Variants in SHB observed in about 807,000 individuals in gnomAD.
The protein encoded by SHB is SH2 domain-containing adapter protein B.
SHB carries 20 observed loss-of-function variants against 52.3 expected under a neutral mutation model. The ratio of observed to expected loss-of-function variants is 0.38; its 90% confidence interval spans 0.27 to 0.56. The LOEUF (loss-of-function observed/expected upper bound fraction) is 0.56. Ranked by LOEUF, SHB falls within the 20% of genes least tolerant of loss-of-function variation. The pLI, the probability that SHB is intolerant of heterozygous loss-of-function variation, is 0.71. For synonymous variants in SHB, 397 were observed against 316.5 expected (o/e 1.25, Z -2.70); for missense variants, 825 against 723.3 (o/e 1.14, Z -1.61).
intron 1 of SHB, among the ~76,000 whole-genome samples, chr9:38,054,834 T>TA (rs139896362): frequency 6.6e-5 from 10 of 151,104 alleles, no homozygotes; most frequent in African/African-American, 1.9e-4. Context: ...ACATTTAAAA[T>TA]AAAAAAAAAG....
chr9:38,020,958 G>T (rs972592223), intron 1 of SHB, among the ~76,000 whole-genome samples: 29 of 152,194 alleles, frequency 1.9e-4, no homozygotes, highest in Non-Finnish European at 2.9e-5. Context: ...CCGGCTACAG[G>T]AAGGGCTGGT....
chr9:37,963,189 T>C (rs1432938520), intron 3 of SHB, among the ~76,000 whole-genome samples: 1 of 152,152 alleles, frequency 6.6e-6, no homozygotes, highest in African/African-American at 2.4e-5. Flanking sequence ...TAGGGGGTCA[T>C]TCAAAGAGAA....
chr9:38,033,783 G>A (rs1821448136), intron 1 of SHB, among the ~76,000 whole-genome samples: 1 of 152,132 alleles, frequency 6.6e-6, no homozygotes, highest in Admixed American at 6.5e-5. Context: ...CCTGCTTGGT[G>A]AGTAAGGCAG....
At chr9:37,934,887 A>G (rs1227176047) in intron 5 of SHB, among the ~76,000 whole-genome samples, 5 of 152,178 alleles carry the variant, frequency 3.3e-5, no homozygotes, top group African/African-American at 1.2e-4. Flanking sequence ...GTTTGACCAC[A>G]TTAATTATTG....
chr9:37,941,457 T>C (rs1832433122), intron 5 of SHB, among the ~76,000 whole-genome samples: 1 of 152,226 alleles, frequency 6.6e-6, no homozygotes, highest in Non-Finnish European at 1.5e-5. Context: ...TTCAAGAGCC[T>C]AAGCCAAGAC....
chr9:38,021,121 T>C (rs1821276712), intron 1 of SHB, among the ~76,000 whole-genome samples: 1 of 152,116 alleles, frequency 6.6e-6, no homozygotes, highest in Non-Finnish European at 1.5e-5. Flanking sequence ...GCGGATTACC[T>C]GAGGTCAGCA....
Position 37,917,258 on chromosome 9 carries a change from C to T in SHB, c.*2563G>A, listed in dbSNP as rs1832111953. On this transcript the variant is annotated 3_prime_UTR_variant, in exon 6 of 6. Transcript: ENST00000377707. ...CAGCAGCTCCCATCCTGTAAGCTGG[C>T]TCCTCTGCTGGCCTCTGTCCCTGAG... Among the ~76,000 whole-genome samples, 1 of 152,198 alleles carries T rather than the reference C, an allele frequency of 6.6e-6. No homozygotes were observed. The highest frequency in any genetic ancestry group is 1.5e-5 in the Non-Finnish European group (1 of 68,034).
intron 1 of SHB, among the ~76,000 whole-genome samples, chr9:38,061,811 A>G (rs940304935): frequency 1.3e-5 from 2 of 152,216 alleles, no homozygotes; most frequent in Non-Finnish European, 2.9e-5. Context: ...CAGAGCACAC[A>G]CAGCCCGGCA....
intron 5 of SHB, among the ~76,000 whole-genome samples, chr9:37,945,076 T>C (rs1024483294): frequency 2.0e-5 from 3 of 151,884 alleles, no homozygotes; most frequent in Non-Finnish European, 2.9e-5. Flanking sequence ...GTGCACGGGG[T>C]GTCCTCTGAG....
chr9:38,062,372 G>A (rs2118195427), intron 1 of SHB, among the ~76,000 whole-genome samples: 1 of 152,254 alleles, frequency 6.6e-6, no homozygotes, highest in East Asian at 1.9e-4. Context: ...CTGTATCCCT[G>A]CCCTTTGCCA....
intron 2 of SHB, among the ~76,000 whole-genome samples, chr9:38,000,285 G>A (rs1163330062): frequency 6.6e-6 from 1 of 152,238 alleles, no homozygotes; most frequent in East Asian, 1.9e-4. Flanking sequence ...CTCTAACCAT[G>A]GGACCATCTG....
At chr9:37,999,160 C>T (rs575016472) in intron 2 of SHB, among the ~76,000 whole-genome samples, 24 of 152,290 alleles carry the variant, frequency 1.6e-4, no homozygotes, top group African/African-American at 5.8e-4. Context: ...AAAGTCTGGG[C>T]TCAGATCTGA....
At chr9:37,944,908 A>G (rs1219795170) in intron 5 of SHB, among the ~76,000 whole-genome samples, 1 of 150,958 alleles carries the variant, frequency 6.6e-6, no homozygotes, top group East Asian at 1.9e-4. Flanking sequence ...GGCTCCCAAG[A>G]CCCCCCTGTG....
intron 5 of SHB, among the ~76,000 whole-genome samples, chr9:37,921,056 C>T (rs944621140): frequency 9.8e-5 from 15 of 152,324 alleles, no homozygotes; most frequent in Admixed American, 2.0e-4. Context: ...GGATCCCTCA[C>T]CCCTCCACCA....
intron 1 of SHB, among the ~76,000 whole-genome samples, chr9:38,028,707 T>C (rs943984383): frequency 1.3e-5 from 2 of 152,208 alleles, no homozygotes; most frequent in Non-Finnish European, 2.9e-5. Context: ...ATTTATTCAT[T>C]AAAACAAAAT....
rs74430841 is a variant in SHB, at chr9:37,990,960, G to A, written c.839-16123C>T. ...TAAGCAAATGGGAAAAGGGCTATAA[G>A]AATACATAAATTATTAACAATCCTT... On this transcript the variant is annotated intron_variant, in intron 2 of 5. Coordinates refer to ENST00000377707, the MANE Select transcript of SHB (RefSeq NM_003028.3). Among the ~76,000 whole-genome samples, 1,399 of 152,272 alleles carry A rather than the reference G, an allele frequency of 9.2e-3. 29 individuals are homozygous for A. The highest frequency in any genetic ancestry group is 0.089 in the East Asian group (464 of 5,186).
chr9:38,061,390 TGTTGCC>T (rs1821890301), intron 1 of SHB, among the ~76,000 whole-genome samples: 2 of 151,376 alleles, frequency 1.3e-5, no homozygotes, highest in African/African-American at 4.9e-5. Context: ...CCACAGGGTG[TGTTGCC>T]GTCAGCCAGC....
chr9:37,992,099 GAAC>G (rs1820888819), intron 2 of SHB, among the ~76,000 whole-genome samples: 1 of 152,256 alleles, frequency 6.6e-6, no homozygotes, highest in African/African-American at 2.4e-5. Flanking sequence ...GGAAAACACT[GAAC>G]AATAAAAACT....
chr9:37,951,213 C>T (rs913388675), intron 4 of SHB, among the ~76,000 whole-genome samples: 4 of 152,182 alleles, frequency 2.6e-5, no homozygotes, highest in African/African-American at 9.7e-5. Flanking sequence ...CAGTGGCCAC[C>T]AAGCTGGACA....
Sources: gnomAD v4.1 joint callset for allele counts (sites outside exome capture counted in the v4.1 genomes callset) on GRCh38, gnomAD v4.1.1 for gene constraint, MANE v1.5 for transcripts, NCBI Gene and HGNC (gene_info 2026-07-23, HGNC 2026-07-21) for gene names.